FGD4: variants seen among roughly 807,000 people sequenced by gnomAD.
FGD4 encodes the protein FYVE, RhoGEF and PH domain-containing protein 4.
In FGD4, 42 loss-of-function variants were observed where a neutral mutation model predicts 102.0. The observed-to-expected ratio is 0.41, with a 90% CI of 0.32 to 0.53. The LOEUF (loss-of-function observed/expected upper bound fraction) is 0.53. FGD4 is among the 20% of genes least tolerant of loss of function. The probability of loss-of-function intolerance (pLI) is 0.21; values close to 1 mark genes in which losing one functional copy is unlikely to be tolerated. For missense variants in FGD4, 902 were observed against 1,078.2 expected, an observed-to-expected ratio of 0.84 and a Z score of 2.29; for synonymous variants, 380 against 375.7, an observed-to-expected ratio of 1.01 and a Z score of -0.13.
In FGD4 at chr12:32,640,160, C is replaced by T. The variant is rs1295984761; in HGVS notation, c.2455-116C>T. 14 of 1,513,732 alleles carry T rather than the reference C, an allele frequency of 9.2e-6. 1 individual carries two copies. Among genetic ancestry groups the T allele is most frequent in the South Asian group, 8.0e-5 (7 of 87,712 alleles). The allele number at this position is 1,513,732 out of a possible 1,614,324, so 93.8% of individuals were successfully genotyped here. ...GATTGCCCTCTGTGCCCATGGAGAACTCACCGTTTAAGTCTGTTTGGGACA... is the reference window on the plus strand; with the variant it reads ...GATTGCCCTCTGTGCCCATGGAGAATTCACCGTTTAAGTCTGTTTGGGACA... On this transcript the variant is annotated intron_variant, in intron 16 of 16. Transcript: ENST00000534526.
chr12:32,632,614 C>T (rs1431077983), intron 14 of FGD4, among the ~76,000 whole-genome samples: 3 of 151,954 alleles, frequency 2.0e-5, no homozygotes, highest in East Asian at 3.9e-4. Context: ...GGTTCTTTAG[C>T]CAAGAGCAAA....
chr12:32,419,806 A>G (rs1320375349), intron 1 of FGD4, among the ~76,000 whole-genome samples: 2 of 151,298 alleles, frequency 1.3e-5, no homozygotes, highest in African/African-American at 2.4e-5. Flanking sequence ...CCGTGGTTAG[A>G]TGTCATCTGA....
chr12:32,598,249 A>G (rs1948069799), intron 4 of FGD4, among the ~76,000 whole-genome samples: 1 of 152,212 alleles, frequency 6.6e-6, no homozygotes, highest in East Asian at 1.9e-4. Context: ...GATTTCCAGG[A>G]AAAAGGTAGA....
intron 1 of FGD4, among the ~76,000 whole-genome samples, chr12:32,462,361 A>T (rs1943127479): frequency 6.6e-6 from 1 of 151,780 alleles, no homozygotes; most frequent in Admixed American, 6.6e-5. Flanking sequence ...GGGTTTCATC[A>T]TGTTGGCCAG....
chr12:32,494,360 C>G (rs1937661232), intron 1 of FGD4, among the ~76,000 whole-genome samples: 1 of 152,112 alleles, frequency 6.6e-6, no homozygotes, highest in Admixed American at 6.6e-5. Context: ...CACAGCTGTT[C>G]AATGGACCAA....
At chr12:32,525,425 T>A (rs967594612) in intron 1 of FGD4, among the ~76,000 whole-genome samples, 1 of 152,268 alleles carries the variant, frequency 6.6e-6, no homozygotes, top group Non-Finnish European at 1.5e-5. Context: ...TTCTGTGTAC[T>A]TTATTCATTC....
At chr12:32,638,957 A>G (rs1344073402) in intron 16 of FGD4, 162 bp downstream of exon 16, 2 of 1,476,044 alleles carry the variant, frequency 1.4e-6, no homozygotes, top group East Asian at 5.0e-5. Flanking sequence ...GTTTAAGCTG[A>G]TTGATTCATT....
intron 15 of FGD4, among the ~76,000 whole-genome samples, chr12:32,633,948 G>A (rs914502977): frequency 3.3e-5 from 5 of 152,234 alleles, no homozygotes; most frequent in Non-Finnish European, 7.3e-5. Context: ...CTCCCAAAGT[G>A]CTGGGATTAC....
rs1358424317 is a variant in FGD4, at chr12:32,544,570, A to G, written c.167-19567A>G. Among the ~76,000 whole-genome samples, 2 of 151,424 alleles carry G rather than the reference A, an allele frequency of 1.3e-5. No individual in the cohort carries two copies. The highest frequency in any genetic ancestry group is 2.4e-5 in the African/African-American group (1 of 41,190). ...AGTATGGTGAAATCCCGTCTCTACAAAAAAATACAAAAATGAGCCGGGCGT... is the reference window on the plus strand; with the variant it reads ...AGTATGGTGAAATCCCGTCTCTACAGAAAAATACAAAAATGAGCCGGGCGT... On this transcript the variant is annotated intron_variant, in intron 1 of 16. Coordinates refer to ENST00000534526, the MANE Select transcript of FGD4 (RefSeq NM_001370298.3). This position sits in a 1 kb window ranked among gnomAD's most constrained non-coding sequence, Gnocchi z 4.1.
intron 1 of FGD4, among the ~76,000 whole-genome samples, chr12:32,540,510 A>C (rs939489482): frequency 1.3e-5 from 2 of 151,938 alleles, no homozygotes; most frequent in Non-Finnish European, 2.9e-5. Flanking sequence ...AGTTCTGAGT[A>C]GATGGATATT....
intron 1 of FGD4, among the ~76,000 whole-genome samples, chr12:32,516,846 G>A (rs1172654626): frequency 2.6e-5 from 4 of 152,158 alleles, no homozygotes; most frequent in African/African-American, 4.8e-5. Flanking sequence ...TTATTTAAAT[G>A]AGGAAAAGAA....
At chr12:32,444,349 CTT>C (rs1263869399) in intron 1 of FGD4, among the ~76,000 whole-genome samples, 1 of 152,070 alleles carries the variant, frequency 6.6e-6, no homozygotes, top group Non-Finnish European at 1.5e-5. Context: ...AGATAGAAAA[CTT>C]TGACTTGTTT....
At chr12:32,585,949 A>G (rs1946996851) in intron 4 of FGD4, among the ~76,000 whole-genome samples, 1 of 151,914 alleles carries the variant, frequency 6.6e-6, no homozygotes, top group Non-Finnish European at 1.5e-5. Context: ...CCTTGAAGCA[A>G]GGATGGGAGA....
intron 1 of FGD4, among the ~76,000 whole-genome samples, chr12:32,502,826 A>G (rs1277332389): frequency 1.3e-5 from 2 of 152,192 alleles, no homozygotes; most frequent in Non-Finnish European, 2.9e-5. Flanking sequence ...TTATTTTGCA[A>G]TGCTTTGGCA....
At chr12:32,476,813 A>G (rs1390765935) in intron 1 of FGD4, among the ~76,000 whole-genome samples, 2 of 152,202 alleles carry the variant, frequency 1.3e-5, no homozygotes, top group Non-Finnish European at 2.9e-5. Flanking sequence ...AAGCAATCAT[A>G]TACCTAGCTC....
chr12:32,466,769 G>C (rs1010700497), intron 1 of FGD4, among the ~76,000 whole-genome samples: 4 of 144,542 alleles, frequency 2.8e-5, no homozygotes, highest in Non-Finnish European at 4.5e-5. Context: ...TCGGGAGGCT[G>C]AAACAGGAAA....
intron 1 of FGD4, among the ~76,000 whole-genome samples, chr12:32,525,486 G>A (rs991561852): frequency 2.0e-5 from 3 of 152,202 alleles, no homozygotes; most frequent in Non-Finnish European, 4.4e-5. Context: ...TAGTTCATTT[G>A]CTTTTGAGAG....
At chr12:32,466,917 T>C (rs974000349) in intron 1 of FGD4, among the ~76,000 whole-genome samples, 5 of 149,852 alleles carry the variant, frequency 3.3e-5, no homozygotes, top group African/African-American at 1.2e-4. Flanking sequence ...TCCTACGGAA[T>C]GTGGTACAGG....
Position 32,563,248 on chromosome 12 carries a change from G to T in FGD4, c.167-889G>T, listed in dbSNP as rs1182218213. Among the ~76,000 whole-genome samples the T allele has an allele frequency of 1.0e-3, 159 of 151,474 alleles. 1 individual carries two copies. Among genetic ancestry groups the T allele is most frequent in the African/African-American group, 3.7e-3 (152 of 41,194 alleles). ...AGGGGCTCCTCACTTCTCAGACGGG[G>T]CGGTTGCCAGGCGGAGGGTCTCCTC... On this transcript the variant is annotated intron_variant, in intron 1 of 16. Coordinates refer to ENST00000534526, the MANE Select transcript of FGD4 (RefSeq NM_001370298.3).
Sources: allele counts gnomAD v4.1 joint callset (sites outside exome capture counted in the v4.1 genomes callset), GRCh38; gene constraint gnomAD v4.1.1; non-coding constraint Gnocchi (gnomAD v3.1); transcripts MANE v1.5; gene names NCBI Gene and HGNC (gene_info 2026-07-23, HGNC 2026-07-21).